Variants in SYNE2 observed in about 807,000 individuals in gnomAD.
The protein encoded by SYNE2 is spectrin repeat containing nuclear envelope protein 2, also known as nesprin-2.
Under a neutral mutation model 856.3 loss-of-function variants are expected in SYNE2, and 431 were observed. The ratio of observed to expected loss-of-function variants is 0.50; its 90% CI spans 0.47 to 0.55. The LOEUF (loss-of-function observed/expected upper bound fraction) is 0.55. SYNE2 is among the 20% of genes least tolerant of loss of function. The probability of loss-of-function intolerance (pLI) is 0.00; values close to 1 mark genes in which losing one functional copy is unlikely to be tolerated. For synonymous variants in SYNE2, 2,923 were observed against 2,872.3 expected, an observed-to-expected ratio of 1.02 and a Z score of -0.56; for missense variants, 8,129 against 8,023.2, an observed-to-expected ratio of 1.01 and a Z score of -0.50.
intron 1 of SYNE2, among the ~76,000 whole-genome samples, chr14:63,782,968 A>T (rs1887370171): frequency 6.6e-6 from 1 of 152,236 alleles, no homozygotes; most frequent in African/African-American, 2.4e-5. Context: ...TCACCTGGTG[A>T]TTATAGTTAA....
chr14:63,978,722 A>G (rs1161312307), intron 13 of SYNE2, 130 bp from the exon 14 acceptor site: 12 of 695,552 alleles, frequency 1.7e-5, no homozygotes, highest in Admixed American at 2.9e-5. Flanking sequence ...GAAAAAGACA[A>G]TGATACATCT....
At chr14:63,881,830 T>G (rs1477968873) in intron 1 of SYNE2, among the ~76,000 whole-genome samples, 1 of 152,186 alleles carries the variant, frequency 6.6e-6, no homozygotes, top group Non-Finnish European at 1.5e-5. Context: ...ATGGCACTAT[T>G]ACTGATGTTT....
At position 64,089,194 on chromosome 14, in the gene SYNE2, C is replaced by T. The variant is rs558838118; in HGVS notation, c.11671-380C>T. ...CAGCCTGGCCAACATGGCGAAACTC[C>T]GTCTCTACTAAAAATATAAAAATTA... On this transcript the variant is annotated intron_variant, in intron 58 of 115. Transcript: ENST00000555002. Among the ~76,000 whole-genome samples, 149 of 151,614 alleles carry T rather than the reference C, an allele frequency of 9.8e-4. 1 individual carries two copies. The highest frequency in any genetic ancestry group is 3.4e-3 in the African/African-American group (141 of 41,368).
chr14:64,122,219 A>C, intron 69 of SYNE2, 67 bp from the exon 70 acceptor site: 1 of 1,614,076 alleles, frequency 6.2e-7, no homozygotes, highest in Middle Eastern at 1.6e-4. Context: ...TTGCTCATAG[A>C]ACTGTGAATG....
At position 64,098,142 on chromosome 14, in the gene SYNE2, G is replaced by A. The variant is rs372624638; in HGVS notation, c.12302G>A (p.Arg4101Gln). The change falls in exon 62 of 116, where the codon CGG becomes CAG. Residue 4101 changes from arginine to glutamine, a missense_variant. Coordinates refer to ENST00000555002, the MANE Select transcript of SYNE2 (RefSeq NM_182914.3). ...GGVAERDASE[R>Q]KLNRRGSMSY... The stretch of plus-strand genomic sequence containing the variant: ...GTGGCAGAGAGGGATGCTTCTGAGC[G>A]GAAGGTGGGTATGACTTTAGGTTAA... 155 of 1,613,924 alleles carry A rather than the reference G, an allele frequency of 9.6e-5. No individual in the cohort carries two copies. Among genetic ancestry groups the A allele is most frequent in the African/African-American group, 1.5e-4 (11 of 75,036 alleles).
intron 1 of SYNE2, among the ~76,000 whole-genome samples, chr14:63,870,951 C>A (rs1295677515): frequency 3.9e-5 from 6 of 151,998 alleles, no homozygotes; most frequent in Non-Finnish European, 5.9e-5. Flanking sequence ...CATTTATTTT[C>A]CAGCTGTTTT....
At chr14:64,150,007 C>CTTTTTTTTTTTTTTTT (rs755126549) in intron 84 of SYNE2, among the ~76,000 whole-genome samples, 125 of 94,362 alleles carry the variant, frequency 1.3e-3, no homozygotes, top group Non-Finnish European at 2.0e-3. Context: ...TTTTTCTTTT[C>CTTTTTTTTTTTTTTTT]TTTTTTTTTT....
intron 76 of SYNE2, among the ~76,000 whole-genome samples, chr14:64,130,611 G>T (rs1002882597): frequency 1.3e-5 from 2 of 152,312 alleles, no homozygotes; most frequent in African/African-American, 4.8e-5. Context: ...CTGGCCATGC[G>T]CAGTGGCTTA....
Position 64,209,755 on chromosome 14 carries a change from C to G in SYNE2, c.18540+177C>G, listed in dbSNP as rs1247331503. On this transcript the variant is annotated intron_variant, in intron 102 of 115. Coordinates refer to ENST00000555002, the MANE Select transcript of SYNE2 (RefSeq NM_182914.3). ...CTTTGCAAGACATTGCTGATGTACT[C>G]CAGCTGCTATGTAATGAACTTGAAA... 14 of 1,133,642 alleles carry G rather than the reference C, an allele frequency of 1.2e-5. No homozygotes were observed. In the Middle Eastern group the frequency reaches 1.3e-3, roughly 103 times the overall value. The allele number at this position is 1,133,642 out of a possible 1,614,324, so 70.2% of individuals were successfully genotyped here. A position where few individuals can be genotyped will look rare whatever the true frequency, so the allele number is the denominator to read the frequency against.
intron 1 of SYNE2, among the ~76,000 whole-genome samples, chr14:63,830,452 A>T (rs1889627054): frequency 6.6e-6 from 1 of 152,026 alleles, no homozygotes; most frequent in Non-Finnish European, 1.5e-5. Flanking sequence ...TTTGTCCAGG[A>T]GTTTGAGGCT....
intron 85 of SYNE2, among the ~76,000 whole-genome samples, chr14:64,158,261 G>GA (rs1488841109): frequency 6.6e-6 from 1 of 152,174 alleles, no homozygotes; most frequent in Non-Finnish European, 1.5e-5. Context: ...TGTGGATGAG[G>GA]AAACTGACTC....
At chr14:64,144,830 T>C (rs377709014) in intron 83 of SYNE2, among the ~76,000 whole-genome samples, 19 of 152,174 alleles carry the variant, frequency 1.2e-4, no homozygotes, top group African/African-American at 4.1e-4. Context: ...CAGCATCGTT[T>C]ACAGCTGTGA....
At chr14:64,073,834 T>C (rs2097433610) in intron 52 of SYNE2, 134 bp from the exon 53 acceptor site, 2 of 977,258 alleles carry the variant, frequency 2.0e-6, no homozygotes, top group Non-Finnish European at 3.1e-6. Context: ...AAATTGTTAC[T>C]TTTTTTCTTA....
At chr14:64,042,836 C>T (rs930600979) in intron 45 of SYNE2, among the ~76,000 whole-genome samples, 2 of 151,974 alleles carry the variant, frequency 1.3e-5, no homozygotes, top group African/African-American at 4.8e-5. Context: ...TAAATAGGTA[C>T]CAGTAAAGTG....
intron 43 of SYNE2, among the ~76,000 whole-genome samples, chr14:64,028,969 C>G (rs1022790575): frequency 5.9e-5 from 9 of 152,104 alleles, no homozygotes; most frequent in African/African-American, 2.2e-4. Flanking sequence ...AACCATGTCT[C>G]TACTAAAAAT....
In SYNE2 at chr14:63,771,846, G is replaced by A. The variant is rs117645341; in HGVS notation, c.-305+9860G>A. On this transcript the variant is annotated intron_variant, in intron 1 of 23. Coordinates refer to the SYNE2 transcript ENST00000674003. ...CAAGAGGCGGAGGTTGCAGTGAACCGAGATCACGTCACTGCACTTCAGCCT... is the reference window on the plus strand; with the variant it reads ...CAAGAGGCGGAGGTTGCAGTGAACCAAGATCACGTCACTGCACTTCAGCCT... 4.5e-3 allele frequency among the ~76,000 whole-genome samples: 683 copies of A among 151,706 alleles called. 5 individuals are homozygous for A. The highest frequency in any genetic ancestry group is 8.0e-3 in the Non-Finnish European group (544 of 68,034).
chr14:64,002,576 CCTT>C, intron 29 of SYNE2, 141 bp from the exon 30 acceptor site: 1 of 851,130 alleles, frequency 1.2e-6, no homozygotes, highest in Non-Finnish European at 1.8e-6. Context: ...TAAAATGTTT[CCTT>C]AGGTAGAAAC....
chr14:63,793,025 C>CT (rs933869410), intron 1 of SYNE2, among the ~76,000 whole-genome samples: 3 of 152,040 alleles, frequency 2.0e-5, no homozygotes, highest in Middle Eastern at 3.2e-3. Flanking sequence ...TATTATCATA[C>CT]TTTTTTTAAA....
At chr14:63,862,757 G>A (rs184605614) in intron 1 of SYNE2, among the ~76,000 whole-genome samples, 2 of 151,722 alleles carry the variant, frequency 1.3e-5, no homozygotes, top group Admixed American at 1.3e-4. Context: ...TTTTGGGGCA[G>A]TTTTTATTAG....
Sources: allele counts gnomAD v4.1 joint callset (sites outside exome capture counted in the v4.1 genomes callset), GRCh38; gene constraint gnomAD v4.1.1; transcripts MANE v1.5; gene names NCBI Gene and HGNC (gene_info 2026-07-23, HGNC 2026-07-21).